MED15: variants seen among roughly 807,000 people sequenced by gnomAD.
MED15 encodes mediator of RNA polymerase II transcription subunit 15.
MED15 carries 41 observed loss-of-function variants against 118.7 expected under a neutral mutation model. The ratio of observed to expected loss-of-function variants is 0.35; its 90% CI spans 0.27 to 0.45. The LOEUF (loss-of-function observed/expected upper bound fraction) is 0.45. Ranked by LOEUF, MED15 falls within the 20% of genes least tolerant of loss-of-function variation. The pLI is 1.00. For missense variants in MED15, 740 were observed against 1,025.5 expected (o/e 0.72, Z 3.80); for synonymous variants, 436 against 413.9 (o/e 1.05, Z -0.65).
At position 20,584,433 on chromosome 22, in the gene MED15, G is replaced by GGATGCCAGACACCCCTA; in HGVS notation, c.1803+10_1803+26dup. 1.9e-6 allele frequency: 3 copies of GGATGCCAGACACCCCTA among 1,613,542 alleles called. No homozygotes were observed. Among genetic ancestry groups the GGATGCCAGACACCCCTA allele is most frequent in the Non-Finnish European group, 2.5e-6 (3 of 1,179,720 alleles). ...AAGAATGACATGGCGGTGGTGAGTG[G>GGATGCCAGACACCCCTA]GATGCCAGACACCCCTAGGGGAACC... On this transcript the variant is annotated intron_variant, in intron 14 of 17. Coordinates refer to ENST00000263205, the MANE Select transcript of MED15 (RefSeq NM_001003891.3).
intron 9 of MED15, among the ~76,000 whole-genome samples, chr22:20,580,270 G>A (rs984372641): frequency 3.3e-5 from 5 of 152,152 alleles, no homozygotes; most frequent in Non-Finnish European, 5.9e-5. Flanking sequence ...AGTGGGTGCC[G>A]GGCTTCCTGA....
At chr22:20,527,031 T>C (rs1199028544) in intron 1 of MED15, among the ~76,000 whole-genome samples, 1 of 152,182 alleles carries the variant, frequency 6.6e-6, no homozygotes, top group Non-Finnish European at 1.5e-5. Context: ...TTTAAAATGA[T>C]GTTACACTGC....
At chr22:20,580,110 A>G (rs545047527) in intron 9 of MED15, among the ~76,000 whole-genome samples, 2 of 152,198 alleles carry the variant, frequency 1.3e-5, no homozygotes, top group Non-Finnish European at 2.9e-5. Flanking sequence ...TCTTCCCACT[A>G]GAAATCTCCC....
At chr22:20,509,648 C>G (rs904110424) in intron 1 of MED15, among the ~76,000 whole-genome samples, 2 of 152,102 alleles carry the variant, frequency 1.3e-5, no homozygotes, top group Admixed American at 6.6e-5. Context: ...GGAAACCTTT[C>G]AGTACAGTGG....
chr22:20,573,412 A>T (rs903938233), intron 8 of MED15, among the ~76,000 whole-genome samples: 1 of 152,214 alleles, frequency 6.6e-6, no homozygotes, highest in African/African-American at 2.4e-5. Context: ...GGCATTGCTG[A>T]TTCACAGCTA....
At chr22:20,509,044 A>T (rs2053974465) in intron 1 of MED15, among the ~76,000 whole-genome samples, 1 of 152,122 alleles carries the variant, frequency 6.6e-6, no homozygotes, top group African/African-American at 2.4e-5. Context: ...GAGTCCTAGA[A>T]AGACAAGTAG....
At chr22:20,560,491 CAGA>C in intron 5 of MED15, among the ~76,000 whole-genome samples, 2 of 152,304 alleles carry the variant, frequency 1.3e-5, no homozygotes, top group Middle Eastern at 6.8e-3. Flanking sequence ...TCTCGATCTC[CAGA>C]CCTTGTGATC....
At chr22:20,559,631 G>A (rs2146554679) in intron 5 of MED15, among the ~76,000 whole-genome samples, 1 of 152,302 alleles carries the variant, frequency 6.6e-6, no homozygotes, top group East Asian at 1.9e-4. Flanking sequence ...TCCTGCAAAG[G>A]AGCAATGAGT....
intron 2 of MED15, among the ~76,000 whole-genome samples, chr22:20,547,775 A>G (rs538913444): frequency 6.6e-6 from 1 of 152,156 alleles, no homozygotes; most frequent in African/African-American, 2.4e-5. Flanking sequence ...GTGAACTGAG[A>G]TTGCACCACT....
At chr22:20,526,312 T>G (rs2054643570) in intron 1 of MED15, among the ~76,000 whole-genome samples, 1 of 152,248 alleles carries the variant, frequency 6.6e-6, no homozygotes. Flanking sequence ...CCTTTACATC[T>G]GAGCTTTCTT....
chr22:20,586,556 GCT>G lies in MED15; in HGVS notation c.2231-9_2231-8del. The G allele has an allele frequency of 6.2e-7, 1 of 1,611,522 alleles. No individual in the cohort carries two copies. The highest frequency in any genetic ancestry group is 8.5e-7 in the Non-Finnish European group (1 of 1,179,164). ...CGGCCGCCTTAGGTTCACGCCCACTGCTCTGTTGCAGACGCCAACCCCTTCCT... is the reference window on the plus strand; with the variant it reads ...CGGCCGCCTTAGGTTCACGCCCACTGCTGTTGCAGACGCCAACCCCTTCCT... On this transcript the variant is annotated splice_polypyrimidine_tract_variant and intron_variant, in intron 17 of 17. Coordinates refer to ENST00000263205, the MANE Select transcript of MED15 (RefSeq NM_001003891.3).
At chr22:20,520,678 C>T (rs950647139) in intron 1 of MED15, among the ~76,000 whole-genome samples, 1 of 152,222 alleles carries the variant, frequency 6.6e-6, no homozygotes, top group Non-Finnish European at 1.5e-5. Flanking sequence ...GCAAACTGTG[C>T]ACCACTCTTC....
chr22:20,565,159 G>A lies in MED15; in HGVS notation c.690+471G>A, dbSNP rs3791192. 5.4e-3 allele frequency among the ~76,000 whole-genome samples: 829 copies of A among 152,292 alleles called. 22 individuals carry two copies. In the East Asian group the frequency reaches 0.087, roughly 16 times the overall value. ...AAATAAAAAAGGAAAACAAAAGTCT[G>A]GGACAGGCAGGAGAAACAGGCCCTG... is the stretch of plus-strand genomic sequence containing the variant. On this transcript the variant is annotated intron_variant, in intron 6 of 17. Transcript: ENST00000263205.
At chr22:20,551,545 C>G in intron 3 of MED15, 58 bp downstream of exon 3, 4 of 1,515,694 alleles carry the variant, frequency 2.6e-6, no homozygotes, top group Non-Finnish European at 3.7e-6. Context: ...CCAGCCCTGA[C>G]GCTGCCTCGG....
chr22:20,544,665 C>CA (rs368540802), intron 2 of MED15, among the ~76,000 whole-genome samples: 11 of 151,976 alleles, frequency 7.2e-5, no homozygotes, highest in African/African-American at 2.7e-4. Context: ...GACTCTGTCT[C>CA]AAAAAAACAA....
chr22:20,539,553 A>C lies in MED15; in HGVS notation c.156+2349A>C, dbSNP rs558719541. On this transcript the variant is annotated intron_variant, in intron 2 of 17. Coordinates refer to ENST00000263205, the MANE Select transcript of MED15 (RefSeq NM_001003891.3). Reference sequence around the variant, plus strand: ...TAAGCAGAACAATAGTTAATGTATAAATTTTTGTGTGGGCTGTGTTTTCAT... The same window carrying C: ...TAAGCAGAACAATAGTTAATGTATACATTTTTGTGTGGGCTGTGTTTTCAT... 2.0e-5 allele frequency among the ~76,000 whole-genome samples: 3 copies of C among 152,302 alleles called. No individual in the cohort carries two copies. The East Asian group carries it at 5.8e-4, about 29-fold the overall frequency.
chr22:20,508,266 C>T, intron 1 of MED15: 1 of 1,295,416 alleles, frequency 7.7e-7, no homozygotes, highest in Non-Finnish European at 1.0e-6. Context: ...GTGGACTTTG[C>T]CGAAGGATGG....
intron 1 of MED15, chr22:20,508,380 G>C (rs1230537339): frequency 2.7e-5 from 35 of 1,304,228 alleles, no homozygotes; most frequent in Non-Finnish European, 3.3e-5. Context: ...ACCACCGACT[G>C]CTTGTTTCTG....
chr22:20,578,317 G>C (rs1344492093), intron 9 of MED15, among the ~76,000 whole-genome samples: 1 of 152,228 alleles, frequency 6.6e-6, no homozygotes, highest in Non-Finnish European at 1.5e-5. Flanking sequence ...AGCGAATAGA[G>C]GGACACCCTG....
Sources: allele counts gnomAD v4.1 joint callset (sites outside exome capture counted in the v4.1 genomes callset), GRCh38; gene constraint gnomAD v4.1.1; transcripts MANE v1.5; gene names NCBI Gene and HGNC (gene_info 2026-07-23, HGNC 2026-07-21).